Variants in SYNPR observed in about 807,000 individuals in gnomAD.
The protein encoded by SYNPR is synaptoporin.
In SYNPR, 23 loss-of-function variants were observed where a neutral mutation model predicts 32.9. The ratio of observed to expected loss-of-function variants is 0.70; its 90% CI spans 0.50 to 0.99. The LOEUF is 0.99. SYNPR is among the 50% of genes least tolerant of loss of function. The probability of loss-of-function intolerance (pLI) is 0.00; values close to 1 mark genes in which losing one functional copy is unlikely to be tolerated. For synonymous variants in SYNPR, 146 were observed against 135.9 expected, an observed-to-expected ratio of 1.07 and a Z score of -0.52; for missense variants, 318 against 349.3, an observed-to-expected ratio of 0.91 and a Z score of 0.71.
At chr3:63,495,327 AAGG>A (rs921269624) in intron 3 of SYNPR, among the ~76,000 whole-genome samples, 1 of 152,170 alleles carries the variant, frequency 6.6e-6, no homozygotes, top group African/African-American at 2.4e-5. Context: ...TGGAGGGAAG[AAGG>A]AGATGAGCTG....
chr3:63,375,650 C>G (rs1483483838), intron 2 of SYNPR, among the ~76,000 whole-genome samples: 1 of 152,098 alleles, frequency 6.6e-6, no homozygotes, highest in East Asian at 1.9e-4. Flanking sequence ...AGCAAACCAA[C>G]ATGGCACATG....
intron 2 of SYNPR, among the ~76,000 whole-genome samples, chr3:63,425,919 A>G (rs979382738): frequency 3.3e-5 from 5 of 151,756 alleles, no homozygotes; most frequent in African/African-American, 1.2e-4. Flanking sequence ...AGTAGCTGGG[A>G]TTACAGGCAT....
intron 3 of SYNPR, among the ~76,000 whole-genome samples, chr3:63,492,122 A>G (rs527763453): frequency 2.8e-4 from 43 of 152,180 alleles, no homozygotes; most frequent in African/African-American, 1.0e-3. Context: ...AAGGAGTGAA[A>G]TCCCCTAGAT....
At chr3:63,575,668 T>G (rs766668572) in intron 4 of SYNPR, among the ~76,000 whole-genome samples, 22 of 152,074 alleles carry the variant, frequency 1.4e-4, no homozygotes, top group African/African-American at 5.1e-4. Flanking sequence ...CAAAAAAACA[T>G]GGAAAATCAC....
intron 4 of SYNPR, among the ~76,000 whole-genome samples, chr3:63,576,527 C>T (rs1430913056): frequency 1.3e-5 from 2 of 152,096 alleles, no homozygotes; most frequent in African/African-American, 2.4e-5. Flanking sequence ...CGCGGTGACT[C>T]ACACCTGTAA....
chr3:63,402,829 C>T (rs1053397693), intron 2 of SYNPR, among the ~76,000 whole-genome samples: 1 of 152,200 alleles, frequency 6.6e-6, no homozygotes, highest in South Asian at 2.1e-4. Flanking sequence ...GCGCACTTGA[C>T]ATAGTCATTG....
In SYNPR at chr3:63,430,071, T is replaced by C. The variant is rs140053529; in HGVS notation, c.85-50761T>C. Among the ~76,000 whole-genome samples, 126 of 152,298 alleles carry C rather than the reference T, an allele frequency of 8.3e-4. 1 individual carries two copies. In the East Asian group the frequency reaches 0.018, roughly 22 times the overall value. Reference sequence around the variant, plus strand: ...ATTTTTTTTTCTTGGTTCTTGCCTGTATCAAAACATAGACAAGAGCTAGGT... The same window carrying C: ...ATTTTTTTTTCTTGGTTCTTGCCTGCATCAAAACATAGACAAGAGCTAGGT... On this transcript the variant is annotated intron_variant, in intron 2 of 5. Coordinates refer to ENST00000478300, the MANE Select transcript of SYNPR (RefSeq NM_001130003.2).
intron 2 of SYNPR, among the ~76,000 whole-genome samples, chr3:63,408,269 GAAA>G (rs2088403610): frequency 3.6e-5 from 4 of 112,154 alleles, no homozygotes; most frequent in African/African-American, 3.9e-5. Context: ...AAGAAAGAAA[GAAA>G]GAAAGAGGAA....
At chr3:63,477,619 G>A (rs1477246063) in intron 2 of SYNPR, among the ~76,000 whole-genome samples, 1 of 152,168 alleles carries the variant, frequency 6.6e-6, no homozygotes, top group African/African-American at 2.4e-5. Context: ...GCTCGTCTAA[G>A]CAGCTGGCTC....
intron 1 of SYNPR, among the ~76,000 whole-genome samples, chr3:63,242,408 C>T (rs945751533): frequency 1.3e-5 from 2 of 152,012 alleles, no homozygotes; most frequent in Non-Finnish European, 2.9e-5. Flanking sequence ...TCTGCCCCGA[C>T]CAGCTAGGGG....
Position 63,320,905 on chromosome 3 carries a change from A to G in SYNPR, c.84+42163A>G, listed in dbSNP as rs139207357. 6.2e-3 allele frequency among the ~76,000 whole-genome samples: 942 copies of G among 152,168 alleles called. 14 individuals carry two copies. Among genetic ancestry groups the G allele is most frequent in the African/African-American group, 0.02 (844 of 41,544 alleles). On this transcript the variant is annotated intron_variant, in intron 2 of 5. Coordinates refer to ENST00000478300, the MANE Select transcript of SYNPR (RefSeq NM_001130003.2). ...TCAGAAACACTGCCATCTCAAATAA[A>G]TTATCATCGAAAACTTGTTCTCTTT... is the stretch of plus-strand genomic sequence containing the variant.
intron 3 of SYNPR, among the ~76,000 whole-genome samples, chr3:63,492,249 G>C (rs910809099): frequency 8.5e-5 from 13 of 152,162 alleles, no homozygotes; most frequent in African/African-American, 3.1e-4. Flanking sequence ...AGGAGGAGTA[G>C]GGCATGGGAT....
At chr3:63,501,195 G>A (rs1701470466) in intron 3 of SYNPR, among the ~76,000 whole-genome samples, 1 of 152,128 alleles carries the variant, frequency 6.6e-6, no homozygotes, top group African/African-American at 2.4e-5. Flanking sequence ...AAAATTAAAT[G>A]AGGCTGGGAG....
chr3:63,329,558 C>T (rs539430190), intron 2 of SYNPR, among the ~76,000 whole-genome samples: 6 of 152,246 alleles, frequency 3.9e-5, no homozygotes, highest in Middle Eastern at 3.4e-3. Context: ...TAATGTAATA[C>T]ATTTCTTGAG....
chr3:63,536,845 A>G (rs1702217971), intron 3 of SYNPR, among the ~76,000 whole-genome samples: 1 of 152,162 alleles, frequency 6.6e-6, no homozygotes, highest in Non-Finnish European at 1.5e-5. Flanking sequence ...CCTTCAAAAC[A>G]TCATGCTAAG....
In SYNPR at chr3:63,559,227, C is replaced by T. The variant is rs180745450; in HGVS notation, c.408+2486C>T. ...AGTAGCAGGGACTATAGGCGCACAC[C>T]ACCACACTCAGCTAATTTTTTGTAT... On this transcript the variant is annotated intron_variant, in intron 4 of 5. Transcript: ENST00000478300. Among the ~76,000 whole-genome samples the T allele has an allele frequency of 1.7e-3, 261 of 152,006 alleles. 1 individual carries two copies. The highest frequency in any genetic ancestry group is 0.017 in the Middle Eastern group (5 of 292).
At chr3:63,408,325 AAAG>A (rs2088412845) in intron 2 of SYNPR, among the ~76,000 whole-genome samples, 3 of 127,144 alleles carry the variant, frequency 2.4e-5, no homozygotes, top group African/African-American at 6.6e-5. Flanking sequence ...GGAAGGAAAG[AAAG>A]AAAGAAAGAA....
chr3:63,220,044 T>C, the SYNPR span, among the ~76,000 whole-genome samples: 172 of 152,350 alleles, frequency 1.1e-3, no homozygotes, highest in Non-Finnish European at 1.7e-3. Flanking sequence ...AGCTTCAACA[T>C]AGCACTTTGT....
intron 3 of SYNPR, among the ~76,000 whole-genome samples, chr3:63,272,846 A>G (rs2086547623): frequency 6.6e-6 from 1 of 151,990 alleles, no homozygotes; most frequent in Non-Finnish European, 1.5e-5. Flanking sequence ...TGGCATACTC[A>G]TTGTCTCAGT....
Sources: gnomAD v4.1 joint callset for allele counts (sites outside exome capture counted in the v4.1 genomes callset) on GRCh38, gnomAD v4.1.1 for gene constraint, MANE v1.5 for transcripts, NCBI Gene and HGNC (gene_info 2026-07-23, HGNC 2026-07-21) for gene names.